The following ST8SIA2 variants were observed in gnomAD, a reference collection of about 807,000 sequenced individuals.
The protein encoded by ST8SIA2 is alpha-2,8-sialyltransferase 8B.
In ST8SIA2, 22 loss-of-function variants were observed where a neutral mutation model predicts 37.6. The ratio of observed to expected loss-of-function variants is 0.58; its 90% CI spans 0.42 to 0.83. The LOEUF (loss-of-function observed/expected upper bound fraction) is 0.83. Among genes scored for constraint, ST8SIA2 ranks in the 40% least tolerant of loss-of-function variants. The pLI is 0.00. For synonymous variants in ST8SIA2, 205 were observed against 201.2 expected (o/e 1.02, Z -0.16); for missense variants, 382 against 484.7 (o/e 0.79, Z 1.99).
At chr15:92,418,113 CT>C (rs2141817817) in intron 1 of ST8SIA2, among the ~76,000 whole-genome samples, 1 of 152,152 alleles carries the variant, frequency 6.6e-6, no homozygotes, top group South Asian at 2.1e-4. Context: ...ATCACTTAAC[CT>C]TTTTGAGCCT....
At chr15:92,412,273 A>G (rs1259431870) in intron 1 of ST8SIA2, among the ~76,000 whole-genome samples, 1 of 151,440 alleles carries the variant, frequency 6.6e-6, no homozygotes, top group African/African-American at 2.4e-5. Flanking sequence ...AAATGAGAGG[A>G]GGGAAGGAAG....
intron 1 of ST8SIA2, among the ~76,000 whole-genome samples, chr15:92,397,994 A>G (rs1176504779): frequency 1.3e-5 from 2 of 152,162 alleles, no homozygotes; most frequent in African/African-American, 2.4e-5. Flanking sequence ...TTAGCCAGGC[A>G]TGGTGGCGGG....
chr15:92,464,643 T>A lies in ST8SIA2; in HGVS notation c.*258T>A. ...TGTGGAGAACCCACCTGAACCAGAT[T>A]GAGACTCAATCCATCTTTGGGGGTG... is the stretch of plus-strand genomic sequence containing the variant. On this transcript the variant is annotated 3_prime_UTR_variant, in exon 6 of 6. Coordinates refer to ENST00000268164, the MANE Select transcript of ST8SIA2 (RefSeq NM_006011.4). 1.9e-6 allele frequency: 1 copy of A among 520,640 alleles called. No individual in the cohort carries two copies. The highest frequency in any genetic ancestry group is 3.4e-5 in the East Asian group (1 of 29,490). The allele number at this position is 520,640 out of a possible 1,614,324, so 32.3% of individuals were successfully genotyped here.
At chr15:92,463,761 G>A (rs1006603246) in intron 5 of ST8SIA2, among the ~76,000 whole-genome samples, 1 of 152,272 alleles carries the variant, frequency 6.6e-6, no homozygotes, top group African/African-American at 2.4e-5. Flanking sequence ...AGCTGTCCAC[G>A]GGCCTGAGTT....
At chr15:92,414,461 C>G (rs1029683866) in intron 1 of ST8SIA2, among the ~76,000 whole-genome samples, 1 of 152,214 alleles carries the variant, frequency 6.6e-6, no homozygotes. Flanking sequence ...ACCTACTCCC[C>G]AATTTGGAGA....
At chr15:92,416,399 C>T (rs140059836) in intron 1 of ST8SIA2, among the ~76,000 whole-genome samples, 8 of 151,910 alleles carry the variant, frequency 5.3e-5, no homozygotes, top group Non-Finnish European at 1.0e-4. Flanking sequence ...TGACTGGAGC[C>T]GGGAGTGAGG....
At chr15:92,404,437 T>C (rs1359012395) in intron 1 of ST8SIA2, among the ~76,000 whole-genome samples, 1 of 152,138 alleles carries the variant, frequency 6.6e-6, no homozygotes, top group East Asian at 1.9e-4. Context: ...GTACAGCTAC[T>C]ATGGAAAACA....
Position 92,434,319 on chromosome 15 carries a change from C to A in ST8SIA2, c.234C>A (p.Asn78Lys), listed in dbSNP as rs375019317. The change falls in exon 3 of 6, where the codon AAC becomes AAA. Residue 78 changes from asparagine to lysine, a missense_variant. By Grantham distance (94) the Asn-to-Lys change is moderately conservative. Coordinates refer to ENST00000268164, the MANE Select transcript of ST8SIA2 (RefSeq NM_006011.4). ...VDRSNESIKH[N>K]IQPASSKWRH... is the part of the protein sequence containing the mutation. Reference sequence around the variant, plus strand: ...GAAGTAATGAAAGCATCAAGCACAACATCCAGCCAGCCTCGTCCAAATGGA... The same window carrying A: ...GAAGTAATGAAAGCATCAAGCACAAAATCCAGCCAGCCTCGTCCAAATGGA... 116 of 1,614,028 alleles carry A rather than the reference C, an allele frequency of 7.2e-5. No individual in the cohort carries two copies. The highest frequency in any genetic ancestry group is 9.3e-5 in the Non-Finnish European group (110 of 1,180,038).
In ST8SIA2 at chr15:92,467,886, C is replaced by T. The variant is rs566459994; in HGVS notation, c.*3501C>T. 1 of 152,538 alleles carries T rather than the reference C, an allele frequency of 6.6e-6. No individual in the cohort carries two copies. The highest frequency in any genetic ancestry group is 1.5e-5 in the Non-Finnish European group (1 of 68,102). The allele number at this position is 152,538 out of a possible 1,614,324, so 9.4% of individuals were successfully genotyped here. Reference sequence around the variant, plus strand: ...GAGCTCTAGGCTGGGATTACACCCGCTGGAGGGACACTCACCCCATCTGCT... The same window carrying T: ...GAGCTCTAGGCTGGGATTACACCCGTTGGAGGGACACTCACCCCATCTGCT... On this transcript the variant is annotated 3_prime_UTR_variant, in exon 6 of 6. Transcript: ENST00000268164.
Position 92,393,920 on chromosome 15 carries a change from G to A in ST8SIA2, c.-145G>A. On this transcript the variant is annotated 5_prime_UTR_variant, in exon 1 of 6. Coordinates refer to ENST00000268164, the MANE Select transcript of ST8SIA2 (RefSeq NM_006011.4). ...TGTCGCTGCCGCTGCCGCTGCCGCT[G>A]CCGCCGCCGGCCCGGACTCGTCCGG... The A allele has an allele frequency of 3.3e-6, 1 of 304,762 alleles. No individual in the cohort carries two copies. The highest frequency in any genetic ancestry group is 5.5e-6 in the Non-Finnish European group (1 of 182,456). 18.9% of individuals were successfully genotyped at this position (304,762 alleles called of 1,614,324 possible).
At chr15:92,443,581 C>T (rs1010905262) in intron 4 of ST8SIA2, among the ~76,000 whole-genome samples, 4 of 152,134 alleles carry the variant, frequency 2.6e-5, no homozygotes, top group African/African-American at 9.7e-5. Context: ...CCAGAACCCT[C>T]AGTGGCTCCC....
chr15:92,462,520 C>T (rs1485732399), intron 5 of ST8SIA2, among the ~76,000 whole-genome samples: 3 of 152,190 alleles, frequency 2.0e-5, no homozygotes, highest in African/African-American at 7.2e-5. Flanking sequence ...GCTAAAAGCA[C>T]TAAATCATAT....
In ST8SIA2 at chr15:92,466,780, T is replaced by A. The variant is rs1040065588; in HGVS notation, c.*2395T>A. ...TGAGTCCTGCACTACCAAAATGGCC[T>A]GGCCATTTGATGGCGGAGCTCCAGG... On this transcript the variant is annotated 3_prime_UTR_variant, in exon 6 of 6. Coordinates refer to ENST00000268164, the MANE Select transcript of ST8SIA2 (RefSeq NM_006011.4). 2.6e-5 allele frequency: 4 copies of A among 152,372 alleles called. No individual in the cohort carries two copies. The highest frequency in any genetic ancestry group is 7.2e-5 in the African/African-American group (3 of 41,434). The allele number at this position is 152,372 out of a possible 1,614,324, so 9.4% of individuals were successfully genotyped here.
chr15:92,419,972 T>C (rs2049620476), intron 1 of ST8SIA2, among the ~76,000 whole-genome samples: 1 of 152,178 alleles, frequency 6.6e-6, no homozygotes, highest in African/African-American at 2.4e-5. Flanking sequence ...TTCAAGCGAT[T>C]CTCCTGCCTC....
At chr15:92,432,952 G>A (rs1051879153) in intron 2 of ST8SIA2, among the ~76,000 whole-genome samples, 4 of 152,164 alleles carry the variant, frequency 2.6e-5, no homozygotes, top group South Asian at 2.1e-4. Context: ...GACAACGGGC[G>A]AAACCCCATC....
chr15:92,430,882 T>C lies in ST8SIA2; in HGVS notation c.161+771T>C, dbSNP rs372815928. Among the ~76,000 whole-genome samples, 29 of 152,346 alleles carry C rather than the reference T, an allele frequency of 1.9e-4. No homozygotes were observed. The East Asian group carries it at 3.3e-3, about 17-fold the overall frequency. ...CTTTCTAAATATCCTATTTTGGTCATTGTGGGAATAAGAGGTCCATATGAT... is the reference window on the plus strand; with the variant it reads ...CTTTCTAAATATCCTATTTTGGTCACTGTGGGAATAAGAGGTCCATATGAT... On this transcript the variant is annotated intron_variant, in intron 2 of 5. Coordinates refer to ENST00000268164, the MANE Select transcript of ST8SIA2 (RefSeq NM_006011.4).
intron 1 of ST8SIA2, among the ~76,000 whole-genome samples, chr15:92,415,619 CTA>C (rs2049581020): frequency 6.6e-6 from 1 of 151,788 alleles, no homozygotes; most frequent in African/African-American, 2.4e-5. Context: ...CCAGCAATGA[CTA>C]TGGTTCACTG....
chr15:92,429,873 A>G (rs749848814), intron 1 of ST8SIA2, among the ~76,000 whole-genome samples, 176 bp from the exon 2 acceptor site: 42 of 152,222 alleles, frequency 2.8e-4, no homozygotes, highest in Non-Finnish European at 5.7e-4. Flanking sequence ...TCCACACCCT[A>G]TAAAATGTTT....
chr15:92,423,814 C>T (rs989270935), intron 1 of ST8SIA2, among the ~76,000 whole-genome samples: 19 of 152,334 alleles, frequency 1.2e-4, no homozygotes, highest in Middle Eastern at 3.4e-3. Flanking sequence ...TTGAAGGGAA[C>T]GAAACATTCA....
Sources: gnomAD v4.1 joint callset for allele counts (sites outside exome capture counted in the v4.1 genomes callset) on GRCh38, gnomAD v4.1.1 for gene constraint, MANE v1.5 for transcripts, NCBI Gene and HGNC (gene_info 2026-07-23, HGNC 2026-07-21) for gene names.